The following MTMR12 variants were observed in gnomAD, a reference collection of about 807,000 sequenced individuals.
The protein encoded by MTMR12 is myotubularin-related protein 12.
MTMR12 carries 33 observed loss-of-function variants against 96.7 expected under a neutral mutation model. The ratio of observed to expected loss-of-function variants is 0.34; its 90% CI spans 0.26 to 0.46. MTMR12 has a LOEUF of 0.46. Among genes scored for constraint, MTMR12 ranks in the 20% least tolerant of loss-of-function variants. The probability of loss-of-function intolerance (pLI) is 1.00; values close to 1 mark genes in which losing one functional copy is unlikely to be tolerated. For missense variants in MTMR12, 721 were observed against 896.1 expected, an observed-to-expected ratio of 0.80 and a Z score of 2.49; for synonymous variants, 298 against 327.2, an observed-to-expected ratio of 0.91 and a Z score of 0.96.
chr5:32,275,395 C>T (rs1385729564), intron 2 of MTMR12, among the ~76,000 whole-genome samples: 1 of 152,216 alleles, frequency 6.6e-6, no homozygotes, highest in Non-Finnish European at 1.5e-5. Context: ...GTGCTTTCAC[C>T]TCCCAATACT....
At chr5:32,237,546 T>C (rs148670552) in intron 13 of MTMR12, among the ~76,000 whole-genome samples, 3,567 of 152,080 alleles carry the variant, frequency 0.023, 55 homozygotes, top group African/African-American at 0.032. Context: ...AGTCTCATTC[T>C]GTCACCCAGG....
intron 1 of MTMR12, among the ~76,000 whole-genome samples, chr5:32,306,472 A>C (rs1751370327): frequency 6.6e-6 from 1 of 152,176 alleles, no homozygotes; most frequent in Admixed American, 6.5e-5. Context: ...CTCCTGACCA[A>C]AAGAAATGGC....
chr5:32,264,725 C>T (rs1473195612), intron 6 of MTMR12, among the ~76,000 whole-genome samples: 1 of 152,148 alleles, frequency 6.6e-6, no homozygotes, highest in Admixed American at 6.5e-5. Context: ...TCCCAAAGTG[C>T]TGGGATTACA....
intron 7 of MTMR12, among the ~76,000 whole-genome samples, chr5:32,262,003 C>T (rs1033423366): frequency 3.9e-5 from 6 of 152,036 alleles, no homozygotes; most frequent in South Asian, 2.1e-4. Flanking sequence ...ACCCAGGAGG[C>T]GGAGCTTACA....
chr5:32,272,318 T>A (rs573101021), intron 3 of MTMR12, among the ~76,000 whole-genome samples: 4 of 151,484 alleles, frequency 2.6e-5, no homozygotes, highest in African/African-American at 9.7e-5. Context: ...TAAATAAAAA[T>A]AAATGGGGAA....
chr5:32,308,984 A>G (rs937697139), intron 1 of MTMR12, among the ~76,000 whole-genome samples: 15 of 152,222 alleles, frequency 9.9e-5, no homozygotes, highest in Non-Finnish European at 2.1e-4. Context: ...GAGTCAGACT[A>G]CAACAACGAG....
At position 32,289,379 on chromosome 5, in the gene MTMR12, C is replaced by T. The variant is rs1320292569; in HGVS notation, c.82-12637G>A. Reference sequence around the variant, plus strand: ...TTGAGCCAGTTTACAGACCCAGAACCCCTTGAAGGAAGGGGAGGCCGGGTC... The same window carrying T: ...TTGAGCCAGTTTACAGACCCAGAACTCCTTGAAGGAAGGGGAGGCCGGGTC... On this transcript the variant is annotated intron_variant, in intron 1 of 15. Transcript: ENST00000382142. 1.3e-5 allele frequency among the ~76,000 whole-genome samples: 2 copies of T among 152,180 alleles called. 1 individual carries two copies. Among genetic ancestry groups the T allele is most frequent in the Non-Finnish European group, 2.9e-5 (2 of 68,044 alleles).
intron 1 of MTMR12, among the ~76,000 whole-genome samples, chr5:32,277,869 G>A (rs538821541): frequency 2.7e-4 from 41 of 152,292 alleles, no homozygotes; most frequent in African/African-American, 9.6e-4. Flanking sequence ...TATCAAGTCA[G>A]TATTGATCCA....
chr5:32,276,528 T>C (rs57425852), intron 2 of MTMR12, among the ~76,000 whole-genome samples, 154 bp downstream of exon 2: 50,200 of 152,126 alleles, frequency 0.33, 8,636 homozygotes, highest in East Asian at 0.49. Flanking sequence ...TGTGTAGTTA[T>C]TGAACTACAA....
chr5:32,295,335 G>A (rs1388720223), intron 1 of MTMR12, among the ~76,000 whole-genome samples: 1 of 152,248 alleles, frequency 6.6e-6, no homozygotes, highest in East Asian at 1.9e-4. Context: ...CAGACATGCA[G>A]TAAGAGGCTA....
chr5:32,294,408 G>A (rs1750849250), intron 1 of MTMR12, among the ~76,000 whole-genome samples: 3 of 151,828 alleles, frequency 2.0e-5, no homozygotes, highest in Admixed American at 2.0e-4. Flanking sequence ...GTTCAAAAGA[G>A]TCTCATTCCT....
At chr5:32,248,642 C>G (rs774939466) in intron 9 of MTMR12, 130 bp downstream of exon 9, 61 of 679,620 alleles carry the variant, frequency 9.0e-5, no homozygotes, top group Non-Finnish European at 1.6e-4. Flanking sequence ...AAAATGATCA[C>G]TGTTAAGTTG....
chr5:32,249,610 A>G (rs1487705853), intron 8 of MTMR12, among the ~76,000 whole-genome samples: 11 of 152,232 alleles, frequency 7.2e-5, no homozygotes, highest in African/African-American at 1.9e-4. Context: ...AACTGAAGAA[A>G]GAAATTTCAA....
At chr5:32,255,263 C>A (rs1337108248) in intron 8 of MTMR12, among the ~76,000 whole-genome samples, 2 of 152,172 alleles carry the variant, frequency 1.3e-5, no homozygotes, top group Non-Finnish European at 2.9e-5. Flanking sequence ...TGGCTCCAAT[C>A]CCACTCTATT....
At chr5:32,303,046 A>G (rs910770891) in intron 1 of MTMR12, among the ~76,000 whole-genome samples, 1 of 152,220 alleles carries the variant, frequency 6.6e-6, no homozygotes, top group Non-Finnish European at 1.5e-5. Context: ...TCTTAAGATT[A>G]ATGATTAAGC....
chr5:32,304,320 C>CA (rs528197677), intron 1 of MTMR12, among the ~76,000 whole-genome samples: 83 of 132,948 alleles, frequency 6.2e-4, no homozygotes, highest in East Asian at 1.3e-3. Context: ...ACTCCGTCTC[C>CA]AAAAAAAAAA....
In MTMR12 at chr5:32,233,220, T is replaced by C. The variant is rs1581585312; in HGVS notation, c.1674+553A>G. ...TCACCTACTAAGGCTCCTTTTTTTT[T>C]TTTCAAGTAAAGGAATAAAGAATGG... On this transcript the variant is annotated intron_variant, in intron 15 of 15. Transcript: ENST00000382142. The surrounding 1 kb of genome is among the most constrained non-coding windows in gnomAD (Gnocchi z 5.0). 6.6e-6 allele frequency among the ~76,000 whole-genome samples: 1 copy of C among 151,946 alleles called. No individual in the cohort carries two copies. The highest frequency in any genetic ancestry group is 2.1e-4 in the South Asian group (1 of 4,828).
At chr5:32,297,845 C>T (rs565449161) in intron 1 of MTMR12, among the ~76,000 whole-genome samples, 1 of 152,310 alleles carries the variant, frequency 6.6e-6, no homozygotes, top group East Asian at 1.9e-4. Flanking sequence ...TCTCACCAAA[C>T]AGTTAACTGG....
chr5:32,310,554 G>A (rs1010566093), intron 1 of MTMR12, among the ~76,000 whole-genome samples: 5 of 152,198 alleles, frequency 3.3e-5, no homozygotes, highest in Non-Finnish European at 7.3e-5. Flanking sequence ...GGCGCAGAAA[G>A]ACAAACTTTG....
Sources: allele counts gnomAD v4.1 joint callset (sites outside exome capture counted in the v4.1 genomes callset), GRCh38; gene constraint gnomAD v4.1.1; non-coding constraint Gnocchi (gnomAD v3.1); transcripts MANE v1.5; gene names NCBI Gene and HGNC (gene_info 2026-07-23, HGNC 2026-07-21).